STEAP1: variants seen among roughly 807,000 people sequenced by gnomAD.
STEAP1 encodes STEAP family member 1.
STEAP1 carries 30 observed loss-of-function variants against 34.4 expected under a neutral mutation model. That is an observed-to-expected ratio of 0.87 (90% CI 0.65 to 1.18). STEAP1 has a LOEUF of 1.18. Ranked by LOEUF, STEAP1 falls within the 50% of genes most tolerant of loss-of-function variation. The pLI is 0.00. For synonymous variants in STEAP1, 116 were observed against 135.3 expected, an observed-to-expected ratio of 0.86 and a Z score of 0.99; for missense variants, 318 against 391.1, an observed-to-expected ratio of 0.81 and a Z score of 1.58.
At chr7:90,156,116 C>A (rs537663429) in intron 1 of STEAP1, among the ~76,000 whole-genome samples, 2 of 152,306 alleles carry the variant, frequency 1.3e-5, no homozygotes, top group Admixed American at 6.5e-5. Flanking sequence ...TTAATGAATT[C>A]ATATTGAATA....
At chr7:90,155,175 C>T (rs574012801) in intron 1 of STEAP1, among the ~76,000 whole-genome samples, 71 of 152,076 alleles carry the variant, frequency 4.7e-4, no homozygotes, top group Non-Finnish European at 7.1e-4. Context: ...CATTTCCCTC[C>T]ACATCCTGAC....
rs1406962851 is a variant in STEAP1, at chr7:90,160,891, C to A, written c.171C>A (p.Cys57Ter). 4 of 1,613,992 alleles carry A rather than the reference C, an allele frequency of 2.5e-6. No individual in the cohort carries two copies. Among genetic ancestry groups the A allele is most frequent in the Non-Finnish European group, 2.5e-6 (3 of 1,179,864 alleles). ...CAGCCCATGCTGATGAATTTGACTG[C>A]CCTTCAGAACTTCAGCACACACAGG... ...HQTAHADEFD[C>*]PSELQHTQEL... Residue 57 changes from cysteine to a stop codon, truncating the protein, a stop_gained, in exon 3 of 5, where the codon TGC (cysteine) becomes TGA (stop). Transcript: ENST00000297205. LOFTEE classifies it high-confidence loss of function.
chr7:90,162,133 T>C (rs1482562526), intron 4 of STEAP1, 55 bp downstream of exon 4: 5 of 1,530,374 alleles, frequency 3.3e-6, no homozygotes, highest in Non-Finnish European at 3.5e-6. Context: ...GTGTTTATGA[T>C]ATAGAATATG....
intron 1 of STEAP1, among the ~76,000 whole-genome samples, chr7:90,154,831 ATTAT>A: frequency 6.6e-6 from 1 of 152,308 alleles, no homozygotes; most frequent in South Asian, 2.1e-4. Flanking sequence ...GTTGTGGTAG[ATTAT>A]TAAGTTTGTG....
At position 90,164,773 on chromosome 7, in the gene STEAP1, AT is replaced by A; in HGVS notation, c.*43del. 1 of 1,518,036 alleles carries A rather than the reference AT, an allele frequency of 6.6e-7. No homozygotes were observed. The highest frequency in any genetic ancestry group is 8.8e-7 in the Non-Finnish European group (1 of 1,130,600). 94.0% of individuals were successfully genotyped at this position (1,518,036 alleles called of 1,614,324 possible). A position where few individuals can be genotyped will look rare whatever the true frequency, so the allele number is the denominator to read the frequency against. On this transcript the variant is annotated 3_prime_UTR_variant, in exon 5 of 5. Transcript: ENST00000297205. ...ACACATTTTTGTTCAATATTGATAT[AT>A]TTTATCACCAACATTTCAAGTTTGT...
Position 90,156,791 on chromosome 7 carries a change from G to T in STEAP1, c.-32+2248G>T, listed in dbSNP as rs532000837. Among the ~76,000 whole-genome samples the T allele has an allele frequency of 7.2e-5, 11 of 152,226 alleles. No homozygotes were observed. In the East Asian group the frequency reaches 1.5e-3, roughly 21 times the overall value. On this transcript the variant is annotated intron_variant, in intron 1 of 4. Coordinates refer to ENST00000297205, the MANE Select transcript of STEAP1 (RefSeq NM_012449.3). ...GGGGACCACTGCGATAATGTAAGAC[G>T]CCTGCTCCCACTTCACCTTCCGCCA...
intron 1 of STEAP1, among the ~76,000 whole-genome samples, chr7:90,158,307 T>C (rs1315058567): frequency 1.3e-5 from 2 of 152,222 alleles, no homozygotes; most frequent in Non-Finnish European, 2.9e-5. Context: ...AAATTAACTT[T>C]AGCTTACTGT....
At chr7:90,164,019 C>A (rs2115971765) in intron 4 of STEAP1, among the ~76,000 whole-genome samples, 1 of 152,280 alleles carries the variant, frequency 6.6e-6, no homozygotes, top group Admixed American at 6.5e-5. Flanking sequence ...CTATAATCTT[C>A]AATCTACCTA....
Position 90,161,111 on chromosome 7 carries a change from C to A in STEAP1, c.391C>A (p.Leu131Met). ...VSITLLALVY[L>M]PGVIAAIVQL... The stretch of plus-strand genomic sequence containing the variant: ...CATCACTCTCTTGGCATTGGTTTAC[C>A]TGCCAGGTGTGATAGCAGCAATTGT... Residue 131 changes from leucine to methionine, a missense_variant, in exon 3 of 5, where the codon CTG becomes ATG. Leu to Met is a conservative substitution (Grantham distance 15, BLOSUM62 2). Coordinates refer to ENST00000297205, the MANE Select transcript of STEAP1 (RefSeq NM_012449.3). 1 of 1,613,988 alleles carries A rather than the reference C, an allele frequency of 6.2e-7. No homozygotes were observed.
Position 90,159,769 on chromosome 7 carries a change from C to G in STEAP1, c.-20C>G, listed in dbSNP as rs1794157821. The G allele has an allele frequency of 6.8e-7, 1 of 1,462,652 alleles. No homozygotes were observed. Among genetic ancestry groups the G allele is most frequent in the Non-Finnish European group, 9.1e-7 (1 of 1,100,004 alleles). The allele number at this position is 1,462,652 out of a possible 1,614,324, so 90.6% of individuals were successfully genotyped here. A position where few individuals can be genotyped will look rare whatever the true frequency, so the allele number is the denominator to read the frequency against. On this transcript the variant is annotated 5_prime_UTR_variant, in exon 2 of 5. Coordinates refer to ENST00000297205, the MANE Select transcript of STEAP1 (RefSeq NM_012449.3). ...TTTTATTTTTACAGGTGGCTGAAGC[C>G]ATACTATTTTATAGAATTAATGGAA...
chr7:90,159,747 T>G lies in STEAP1; in HGVS notation c.-31-11T>G, dbSNP rs1190718011. On this transcript the variant is annotated splice_polypyrimidine_tract_variant and intron_variant, in intron 1 of 4. Transcript: ENST00000297205. ...GAATGGACATGAAAGTAATTATTTT[T>G]ATTTTTACAGGTGGCTGAAGCCATA... 2.9e-6 allele frequency: 4 copies of G among 1,368,212 alleles called. No homozygotes were observed. Among genetic ancestry groups the G allele is most frequent in the Non-Finnish European group, 3.9e-6 (4 of 1,023,520 alleles). The allele number at this position is 1,368,212 out of a possible 1,614,324, so 84.8% of individuals were successfully genotyped here.
At chr7:90,155,886 C>A (rs769949289) in intron 1 of STEAP1, among the ~76,000 whole-genome samples, 73 of 152,174 alleles carry the variant, frequency 4.8e-4, no homozygotes, top group Non-Finnish European at 7.8e-4. Flanking sequence ...TGCTAGCTAC[C>A]CCAGGACTGG....
Position 90,162,045 on chromosome 7 carries a change from C to T in STEAP1, c.729C>T (p.Asp243=). 1 of 1,611,294 alleles carries T rather than the reference C, an allele frequency of 6.2e-7. No individual in the cohort carries two copies. The highest frequency in any genetic ancestry group is 8.5e-7 in the Non-Finnish European group (1 of 1,179,328). Residue 243 remains aspartate, a synonymous_variant, in exon 4 of 5, where the codon GAC becomes GAT. Coordinates refer to ENST00000297205, the MANE Select transcript of STEAP1 (RefSeq NM_012449.3). ...TGACATCTATTCCATCTGTGAGTGA[C>T]TCTTTGACATGGAGAGAATTTCACT... ...LAVTSIPSVS[D]SLTWREFHYI...
In STEAP1 at chr7:90,164,433, C is replaced by T. The variant is rs919987633; in HGVS notation, c.763-44C>T. On this transcript the variant is annotated intron_variant, in intron 4 of 4. Coordinates refer to ENST00000297205, the MANE Select transcript of STEAP1 (RefSeq NM_012449.3). Reference sequence around the variant, plus strand: ...TCCAGATGAGGTAGGATGGGATAAACTCTTATTGAACCAATCTTCACCAAT... The same window carrying T: ...TCCAGATGAGGTAGGATGGGATAAATTCTTATTGAACCAATCTTCACCAAT... 2.6e-6 allele frequency: 4 copies of T among 1,559,214 alleles called. No homozygotes were observed. In the East Asian group the frequency reaches 6.8e-5, roughly 26 times the overall value.
At position 90,160,984 on chromosome 7, in the gene STEAP1, C is replaced by T. The variant is rs371335343; in HGVS notation, c.264C>T (p.Tyr88=). The T allele has an allele frequency of 1.7e-5, 28 of 1,614,000 alleles. No homozygotes were observed. Among genetic ancestry groups the T allele is most frequent in the Non-Finnish European group, 2.1e-5 (25 of 1,179,864 alleles). The change falls in exon 3 of 5, where the codon TAC becomes TAT. Residue 88 remains tyrosine (Y), a synonymous_variant. Coordinates refer to ENST00000297205, the MANE Select transcript of STEAP1 (RefSeq NM_012449.3). Reference sequence around the variant, plus strand: ...TTATAGCATCTCTGACTTTTCTTTACACTCTTCTGAGGGAAGTAATTCACC... The same window carrying T: ...TTATAGCATCTCTGACTTTTCTTTATACTCTTCTGAGGGAAGTAATTCACC... The part of the protein sequence containing the change: ...AAIIASLTFL[Y]TLLREVIHPL...
chr7:90,159,099 CT>C (rs1302229287), intron 1 of STEAP1, among the ~76,000 whole-genome samples: 14 of 152,310 alleles, frequency 9.2e-5, no homozygotes, highest in African/African-American at 3.4e-4. Flanking sequence ...GGATGAGGAT[CT>C]GTGAGTTTGC....
Position 90,164,806 on chromosome 7 carries a change from TAATAA to T in STEAP1, c.*76_*80del, listed in dbSNP as rs1398318385. On this transcript the variant is annotated 3_prime_UTR_variant, in exon 5 of 5. Transcript: ENST00000297205. ...ACCAACATTTCAAGTTTGTATTTGT[TAATAA>T]AATGATTATTCAAGGATCTTGATGT... 7 of 1,381,482 alleles carry T rather than the reference TAATAA, an allele frequency of 5.1e-6. No homozygotes were observed. The highest frequency in any genetic ancestry group is 6.8e-6 in the Non-Finnish European group (7 of 1,036,420). The allele number at this position is 1,381,482 out of a possible 1,614,324, so 85.6% of individuals were successfully genotyped here.
At chr7:90,156,532 A>G (rs17866286) in intron 1 of STEAP1, among the ~76,000 whole-genome samples, 3 of 149,584 alleles carry the variant, frequency 2.0e-5, no homozygotes, top group African/African-American at 7.4e-5. Flanking sequence ...GCCAGCGAGC[A>G]TTACTGCCTG....
At chr7:90,163,690 G>A (rs576418996) in intron 4 of STEAP1, among the ~76,000 whole-genome samples, 9 of 152,282 alleles carry the variant, frequency 5.9e-5, no homozygotes, top group African/African-American at 2.2e-4. Flanking sequence ...GTGAATAGAG[G>A]TCAGAAGTCG....
Sources: gnomAD v4.1 joint callset for allele counts (sites outside exome capture counted in the v4.1 genomes callset) on GRCh38, gnomAD v4.1.1 for gene constraint, MANE v1.5 for transcripts, NCBI Gene and HGNC (gene_info 2026-07-23, HGNC 2026-07-21) for gene names.